DMD: variants seen among roughly 807,000 people sequenced by gnomAD.
DMD encodes dystrophin.
A neutral mutation model predicts 330.1 loss-of-function variants in DMD; 63 were observed. The ratio of observed to expected loss-of-function variants is 0.19; its 90% CI spans 0.16 to 0.24. The LOEUF is 0.24. Among genes scored for constraint, DMD ranks in the 10% least tolerant of loss-of-function variants. The pLI is 1.00. For missense variants in DMD, 3,344 were observed against 2,684.1 expected, an observed-to-expected ratio of 1.25 and a Z score of -5.43; for synonymous variants, 1,223 against 959.8, an observed-to-expected ratio of 1.27 and a Z score of -5.07.
intron 47 of DMD, among the ~76,000 whole-genome samples, chrX:31,926,868 C>T (rs1188584119): frequency 9.0e-6 from 1 of 110,681 alleles, no homozygotes; most frequent in Non-Finnish European, 1.9e-5. Flanking sequence ...CTATGACCCA[C>T]TAGTTCCAAT....
intron 7 of DMD, among the ~76,000 whole-genome samples, chrX:32,722,357 A>C (rs1017070696): frequency 9.0e-6 from 1 of 111,181 alleles, no homozygotes; most frequent in Non-Finnish European, 1.9e-5. Context: ...TATAGCATTT[A>C]CATTGTATTA....
chrX:32,259,792 C>T (rs1008467583), intron 43 of DMD, among the ~76,000 whole-genome samples: 1 of 111,475 alleles, frequency 9.0e-6, no homozygotes, highest in Admixed American at 9.6e-5. Flanking sequence ...GACTTTTGAT[C>T]ACCGTCCCAT....
At chrX:33,303,421 T>C (rs1260359502) in intron 1 of DMD, among the ~76,000 whole-genome samples, 1 of 111,726 alleles carries the variant, frequency 9.0e-6, no homozygotes, top group African/African-American at 3.2e-5. Context: ...TTACATATAA[T>C]ACAAATTCAG....
At chrX:31,879,210 G>GC (rs1556965812) in intron 47 of DMD, among the ~76,000 whole-genome samples, 1 of 7,893 alleles carries the variant, frequency 1.3e-4, no homozygotes, top group Non-Finnish European at 3.5e-4. Flanking sequence ...TCTACATGGC[G>GC]GGGGGGGGCC....
At chrX:32,701,663 A>G (rs1029232463) in intron 7 of DMD, among the ~76,000 whole-genome samples, 17 of 111,427 alleles carry the variant, frequency 1.5e-4, no homozygotes, top group Non-Finnish European at 2.5e-4. Flanking sequence ...TAGTATATTA[A>G]ATAAAACCAT....
chrX:32,234,496 A>G (rs749181604), intron 43 of DMD, among the ~76,000 whole-genome samples: 12 of 111,939 alleles, frequency 1.1e-4, no homozygotes, highest in Non-Finnish European at 1.9e-4. Flanking sequence ...ATCTGATTCA[A>G]CTGATTTGGG....
At chrX:32,810,282 G>A (rs973983135) in intron 6 of DMD, among the ~76,000 whole-genome samples, 3 of 111,816 alleles carry the variant, frequency 2.7e-5, no homozygotes, top group Non-Finnish European at 5.6e-5. Context: ...ATCCAGTCTC[G>A]TGGATTTCAA....
rs571926071 is a variant in DMD at position 32,509,773 on chromosome X, A to T, written c.2293-7931T>A. Among the ~76,000 whole-genome samples the T allele has an allele frequency of 5.4e-5, 6 of 111,987 alleles. No homozygotes were observed. The East Asian group carries it at 1.7e-3, about 32-fold the overall frequency. ...CAACTTCAGAGGTCACCTTTCCTCC[A>T]TCTCCTTTGCAGGTTCCTAATCATG... On this transcript the variant is annotated intron_variant, in intron 18 of 78. Transcript: ENST00000357033.
At chrX:32,829,107 A>G (rs1425838199) in intron 4 of DMD, among the ~76,000 whole-genome samples, 2 of 111,881 alleles carry the variant, frequency 1.8e-5, no homozygotes, top group Admixed American at 1.9e-4. Flanking sequence ...AAACTGTCTT[A>G]CAGATTTATG....
chrX:32,910,468 A>T (rs958995828), intron 2 of DMD, among the ~76,000 whole-genome samples: 3 of 110,772 alleles, frequency 2.7e-5, no homozygotes, highest in African/African-American at 9.9e-5. Flanking sequence ...TCACACTGTC[A>T]CCCGGGCTGG....
At chrX:33,284,476 A>T (rs1485581063) in intron 1 of DMD, among the ~76,000 whole-genome samples, 1 of 110,437 alleles carries the variant, frequency 9.1e-6, no homozygotes, top group Non-Finnish European at 1.9e-5. Flanking sequence ...ACAGGTGAAT[A>T]GAAGGAAATT....
chrX:32,910,469 C>A (rs4421505), intron 2 of DMD, among the ~76,000 whole-genome samples: 22,544 of 109,948 alleles, frequency 0.21, 1,702 homozygotes, highest in East Asian at 0.34. Context: ...CACACTGTCA[C>A]CCGGGCTGGA....
chrX:31,901,066 T>A (rs983948702), intron 47 of DMD, among the ~76,000 whole-genome samples: 1 of 111,675 alleles, frequency 9.0e-6, no homozygotes, highest in Non-Finnish European at 1.9e-5. Flanking sequence ...AAGGCCTTCC[T>A]TTATGAACCA....
intron 50 of DMD, among the ~76,000 whole-genome samples, chrX:31,783,354 A>G (rs1172833636): frequency 8.9e-6 from 1 of 111,792 alleles, no homozygotes; most frequent in Non-Finnish European, 1.9e-5. Flanking sequence ...AATTCAGTCT[A>G]AATCTCTTAT....
intron 7 of DMD, among the ~76,000 whole-genome samples, chrX:32,781,968 A>G (rs1448264775): frequency 3.6e-5 from 4 of 111,649 alleles, no homozygotes; most frequent in Non-Finnish European, 7.5e-5. Flanking sequence ...ATATCTTAAT[A>G]CACTCAGTAT....
chrX:31,778,565 ATTTTTTT>A lies in DMD; in HGVS notation c.7310-4380_7310-4374del, dbSNP rs36164865. 1.1e-3 allele frequency among the ~76,000 whole-genome samples: 67 copies of A among 63,048 alleles called. 1 individual carries two copies. Among genetic ancestry groups the A allele is most frequent in the African/African-American group, 3.5e-3 (53 of 14,967 alleles). 54.7% of individuals were successfully genotyped at this position (63,048 alleles called of 115,157 possible). On this transcript the variant is annotated intron_variant, in intron 50 of 78. Transcript: ENST00000357033. ...AGGACAGAAGTTTTGAAGTCCTGAAATTTTTTTTTTTTTTTTTTTTTTTTGAGACAGA... is the reference window on the plus strand; with the variant it reads ...AGGACAGAAGTTTTGAAGTCCTGAAATTTTTTTTTTTTTTTTTGAGACAGA...
intron 44 of DMD, among the ~76,000 whole-genome samples, chrX:32,008,393 T>C (rs188207331): frequency 1.8e-5 from 2 of 112,153 alleles, no homozygotes; most frequent in East Asian, 2.8e-4. Flanking sequence ...AATACACTCA[T>C]TTATTTAATT....
At chrX:32,008,367 C>A (rs904728484) in intron 44 of DMD, among the ~76,000 whole-genome samples, 1 of 112,006 alleles carries the variant, frequency 8.9e-6, no homozygotes, top group Non-Finnish European at 1.9e-5. Flanking sequence ...TGTGCCAAAT[C>A]TTGTTGAGCA....
intron 42 of DMD, among the ~76,000 whole-genome samples, chrX:32,309,022 C>T (rs746831571): frequency 3.6e-5 from 4 of 110,999 alleles, no homozygotes; most frequent in Non-Finnish European, 5.7e-5. Flanking sequence ...TTACTTCAAA[C>T]AGAATAAGAA....
Sources: allele counts gnomAD v4.1 joint callset (sites outside exome capture counted in the v4.1 genomes callset), GRCh38; gene constraint gnomAD v4.1.1; transcripts MANE v1.5; gene names NCBI Gene and HGNC (gene_info 2026-07-23, HGNC 2026-07-21).